The following SLC4A4 variants were observed in gnomAD, a reference collection of about 807,000 sequenced individuals.
SLC4A4 encodes the protein electrogenic sodium bicarbonate cotransporter 1.
SLC4A4 carries 27 observed loss-of-function variants against 111.5 expected under a neutral mutation model. The ratio of observed to expected loss-of-function variants is 0.24; its 90% CI spans 0.18 to 0.33. The LOEUF (loss-of-function observed/expected upper bound fraction) is 0.33, where lower values mean the gene tolerates loss of function less well. Among genes scored for constraint, SLC4A4 ranks in the 10% least tolerant of loss-of-function variants. The pLI is 1.00. For synonymous variants in SLC4A4, 443 were observed against 463.4 expected, an observed-to-expected ratio of 0.96 and a Z score of 0.57; for missense variants, 909 against 1,315.5, an observed-to-expected ratio of 0.69 and a Z score of 4.78.
chr4:71,107,513 A>AT (rs112717628), intron 2 of SLC4A4, among the ~76,000 whole-genome samples: 126 of 151,572 alleles, frequency 8.3e-4, no homozygotes, highest in African/African-American at 2.9e-3. Flanking sequence ...TGCCCGGCTA[A>AT]TTTTTTTGCA....
At chr4:71,208,443 A>AAAAT (rs1553962712) in intron 1 of SLC4A4, among the ~76,000 whole-genome samples, 79 of 144,828 alleles carry the variant, frequency 5.5e-4, no homozygotes, top group African/African-American at 1.9e-3. Context: ...AAAAAAAAAA[A>AAAAT]ATATATATAT....
At chr4:71,096,118 G>A (rs1013392001) in intron 2 of SLC4A4, among the ~76,000 whole-genome samples, 1 of 152,084 alleles carries the variant, frequency 6.6e-6, no homozygotes, top group African/African-American at 2.4e-5. Context: ...TTTAAATTTT[G>A]GCAGGAGGAA....
chr4:71,238,610 C>T (rs1466468211), intron 2 of SLC4A4, among the ~76,000 whole-genome samples: 1 of 152,186 alleles, frequency 6.6e-6, no homozygotes, highest in African/African-American at 2.4e-5. Context: ...CCAAGACATG[C>T]TCAGATAGTT....
At chr4:71,154,149 G>T (rs934644394) in intron 2 of SLC4A4, among the ~76,000 whole-genome samples, 12 of 152,152 alleles carry the variant, frequency 7.9e-5, no homozygotes, top group African/African-American at 2.7e-4. Flanking sequence ...ACTGACAAGG[G>T]TTTGCATTTG....
chr4:71,078,282 A>AC (rs1553948056), intron 1 of SLC4A4, among the ~76,000 whole-genome samples: 12 of 151,680 alleles, frequency 7.9e-5, no homozygotes, highest in Non-Finnish European at 1.8e-4. Flanking sequence ...TAGATGACAG[A>AC]TTTTTTTTTC....
Position 71,497,543 on chromosome 4 carries a change from G to A in SLC4A4, c.2017G>A (p.Glu673Lys), listed in dbSNP as rs752089136. 2 of 1,613,590 alleles carry A rather than the reference G, an allele frequency of 1.2e-6. No individual in the cohort carries two copies. Among genetic ancestry groups the A allele is most frequent in the South Asian group, 2.2e-5 (2 of 91,058 alleles). ...TGACTGGGCATTTTTGTCGAAGAAG[G>A]AGTGTTCAAAATACGGAGGAAACCT... is the stretch of plus-strand genomic sequence containing the variant. ...TFDWAFLSKK[E>K]CSKYGGNLVG... The change falls in exon 16 of 26, where the codon GAG (glutamate) becomes AAG (lysine). Residue 673 changes from glutamate to lysine, a missense_variant. Physicochemically the swap from Glu to Lys is moderately conservative, Grantham distance 56. Coordinates refer to ENST00000264485, the MANE Select transcript of SLC4A4 (RefSeq NM_001098484.3).
chr4:71,126,837 C>T (rs909570514), intron 2 of SLC4A4, among the ~76,000 whole-genome samples: 7 of 152,206 alleles, frequency 4.6e-5, no homozygotes, highest in African/African-American at 1.4e-4. Flanking sequence ...TTCTTATCCA[C>T]TTCCACATAC....
At chr4:71,450,148 G>A (rs1279414447) in intron 9 of SLC4A4, among the ~76,000 whole-genome samples, 2 of 152,068 alleles carry the variant, frequency 1.3e-5, no homozygotes, top group Non-Finnish European at 1.5e-5. Flanking sequence ...TATATTATTG[G>A]TAGGAAAAAA....
intron 1 of SLC4A4, among the ~76,000 whole-genome samples, chr4:71,232,643 C>T (rs1719513139): frequency 6.6e-6 from 1 of 152,076 alleles, no homozygotes; most frequent in African/African-American, 2.4e-5. Flanking sequence ...GAACTCCTGG[C>T]CTCAAGCAAT....
chr4:71,189,530 C>T (rs1328581311), intron 1 of SLC4A4, among the ~76,000 whole-genome samples: 1 of 152,138 alleles, frequency 6.6e-6, no homozygotes, highest in East Asian at 1.9e-4. Flanking sequence ...TCTCATTTTT[C>T]GCTGAGTGCT....
rs772532499 is a variant in SLC4A4 at position 71,473,110 on chromosome 4, A to G, written c.1903+140A>G. 43 of 936,186 alleles carry G rather than the reference A, an allele frequency of 4.6e-5. 1 individual carries two copies. The highest frequency in any genetic ancestry group is 2.7e-4 in the Admixed American group (14 of 52,802). The allele number at this position is 936,186 out of a possible 1,614,324, so 58.0% of individuals were successfully genotyped here. The stretch of plus-strand genomic sequence containing the variant: ...TTTCTCTGAAAAACTCTGCTACTGA[A>G]TTTGATGTCTCATTGCCTGAGGTAT... On this transcript the variant is annotated intron_variant, in intron 14 of 25. Transcript: ENST00000264485.
chr4:71,138,950 G>A (rs1400247699), intron 2 of SLC4A4, among the ~76,000 whole-genome samples: 1 of 150,874 alleles, frequency 6.6e-6, no homozygotes, highest in African/African-American at 2.5e-5. Context: ...GCGGGAGAAC[G>A]GTGTGAACCC....
At chr4:71,125,162 TA>T (rs1241926363) in intron 2 of SLC4A4, among the ~76,000 whole-genome samples, 7 of 152,292 alleles carry the variant, frequency 4.6e-5, no homozygotes, top group East Asian at 1.9e-4. Flanking sequence ...GCAAGTGGCT[TA>T]AAAAAATTTC....
intron 6 of SLC4A4, among the ~76,000 whole-genome samples, chr4:71,362,258 C>T (rs1730862307): frequency 6.6e-6 from 1 of 152,114 alleles, no homozygotes; most frequent in South Asian, 2.1e-4. Context: ...CTAATTGGAT[C>T]TAGACTATGG....
intron 6 of SLC4A4, among the ~76,000 whole-genome samples, chr4:71,362,094 CT>C (rs1223617756): frequency 6.6e-6 from 1 of 152,128 alleles, no homozygotes; most frequent in Non-Finnish European, 1.5e-5. Flanking sequence ...CTTTTTCTAC[CT>C]TTGTAGAAAG....
chr4:71,349,253 G>C (rs1729601999), intron 4 of SLC4A4, among the ~76,000 whole-genome samples: 1 of 152,142 alleles, frequency 6.6e-6, no homozygotes, highest in Non-Finnish European at 1.5e-5. Context: ...TGTTCACCGA[G>C]CTTGTGTGTA....
In SLC4A4 at chr4:71,567,981, T is replaced by C; in HGVS notation, c.*230T>C. ...TGTTTATTTTTTAACTTTTATTTCG[T>C]CTCAGTTTTTGGTCACAGGCCAAAT... On this transcript the variant is annotated 3_prime_UTR_variant, in exon 26 of 26. Transcript: ENST00000264485. 1.2e-6 allele frequency: 1 copy of C among 846,574 alleles called. No homozygotes were observed. The highest frequency in any genetic ancestry group is 2.7e-5 in the East Asian group (1 of 36,572). The allele number at this position is 846,574 out of a possible 1,614,324, so 52.4% of individuals were successfully genotyped here. A position where few individuals can be genotyped will look rare whatever the true frequency, so the allele number is the denominator to read the frequency against.
intron 1 of SLC4A4, among the ~76,000 whole-genome samples, chr4:71,092,054 T>C (rs1468856767): frequency 6.6e-6 from 1 of 152,226 alleles, no homozygotes; most frequent in African/African-American, 2.4e-5. Context: ...TACCAGACTC[T>C]GTGTTACCAG....
chr4:71,205,632 T>C (rs1305222739), intron 1 of SLC4A4, among the ~76,000 whole-genome samples: 1 of 152,184 alleles, frequency 6.6e-6, no homozygotes, highest in African/African-American at 2.4e-5. Context: ...AAATATTTAA[T>C]ATTTAATACT....
Sources: allele counts gnomAD v4.1 joint callset (sites outside exome capture counted in the v4.1 genomes callset), GRCh38; gene constraint gnomAD v4.1.1; transcripts MANE v1.5; gene names NCBI Gene and HGNC (gene_info 2026-07-23, HGNC 2026-07-21).